Variants in AUH observed in about 807,000 individuals in gnomAD.
The protein encoded by AUH is methylglutaconyl-CoA hydratase, mitochondrial.
In AUH, 29 loss-of-function variants were observed where a neutral mutation model predicts 42.3. The observed-to-expected ratio is 0.69, with a 90% CI of 0.51 to 0.93. The LOEUF (loss-of-function observed/expected upper bound fraction) is 0.93. AUH is among the 40% of genes least tolerant of loss of function. The pLI is 0.00. For missense variants in AUH, 452 were observed against 438.1 expected (o/e 1.03, Z -0.28); for synonymous variants, 174 against 166.4 (o/e 1.05, Z -0.35).
intron 3 of AUH, among the ~76,000 whole-genome samples, chr9:91,353,065 A>G (rs1587923696): frequency 6.6e-6 from 1 of 152,128 alleles, no homozygotes; most frequent in East Asian, 1.9e-4. Flanking sequence ...AGGATAATCA[A>G]TAAACGGTAC....
chr9:91,228,287 T>C (rs1406614008), intron 6 of AUH, among the ~76,000 whole-genome samples: 1 of 152,176 alleles, frequency 6.6e-6, no homozygotes, highest in African/African-American at 2.4e-5. Context: ...CTTGGAAGAG[T>C]GTATGTGTCA....
intron 6 of AUH, among the ~76,000 whole-genome samples, chr9:91,244,226 T>A (rs1173242918): frequency 6.6e-6 from 1 of 152,214 alleles, no homozygotes; most frequent in Non-Finnish European, 1.5e-5. Context: ...CAACTATTGC[T>A]TCTTTAGGTT....
intron 6 of AUH, among the ~76,000 whole-genome samples, chr9:91,243,261 C>T (rs187708990): frequency 6.6e-6 from 1 of 152,338 alleles, no homozygotes; most frequent in Admixed American, 6.5e-5. Context: ...AGACCCATAG[C>T]TCCTTAGCTA....
intron 6 of AUH, among the ~76,000 whole-genome samples, chr9:91,289,906 A>G (rs925364154): frequency 1.3e-5 from 2 of 152,202 alleles, no homozygotes; most frequent in African/African-American, 4.8e-5. Context: ...CACCTAGGGT[A>G]CTTTAAGAAC....
At position 91,315,010 on chromosome 9, in the gene AUH, G is replaced by A. The variant is rs147162969; in HGVS notation, c.505+10308C>T. ...ATGATCTCGGCTCACTGCAACTTCCGCCTCCCAGGTTCAAACGATTCTCGT... is the reference window on the plus strand; with the variant it reads ...ATGATCTCGGCTCACTGCAACTTCCACCTCCCAGGTTCAAACGATTCTCGT... On this transcript the variant is annotated intron_variant, in intron 4 of 9. Coordinates refer to ENST00000375731, the MANE Select transcript of AUH (RefSeq NM_001698.3). Among the ~76,000 whole-genome samples the A allele has an allele frequency of 9.4e-4, 143 of 152,258 alleles. 1 individual carries two copies. The highest frequency in any genetic ancestry group is 1.6e-3 in the Non-Finnish European group (108 of 68,022).
At chr9:91,233,381 G>A (rs1211532408) in intron 6 of AUH, among the ~76,000 whole-genome samples, 1 of 152,200 alleles carries the variant, frequency 6.6e-6, no homozygotes, top group African/African-American at 2.4e-5. Context: ...TGGCTGAAGT[G>A]CACAGCAGGG....
In AUH at chr9:91,348,133, G is replaced by GA. The variant is rs534879949; in HGVS notation, c.418+7749dup. Among the ~76,000 whole-genome samples the GA allele has an allele frequency of 1.2e-3, 179 of 151,274 alleles. 1 individual carries two copies. Among genetic ancestry groups the GA allele is most frequent in the African/African-American group, 4.2e-3 (172 of 41,368 alleles). ...GATGAGATTCTAAGAAAAACATTGG[G>GA]AAAAAATTCAAATAAACAAGTCATC... On this transcript the variant is annotated intron_variant, in intron 3 of 9. Transcript: ENST00000375731.
At chr9:91,348,807 T>C (rs1241203244) in intron 3 of AUH, among the ~76,000 whole-genome samples, 2 of 152,218 alleles carry the variant, frequency 1.3e-5, no homozygotes, top group Non-Finnish European at 2.9e-5. Context: ...GAATATGTTC[T>C]GTATCATGAT....
intron 6 of AUH, among the ~76,000 whole-genome samples, chr9:91,276,451 T>A (rs987498381): frequency 4.0e-5 from 6 of 151,526 alleles, no homozygotes; most frequent in Non-Finnish European, 7.4e-5. Flanking sequence ...TATACAAAAT[T>A]GTTATTAATG....
At chr9:91,278,823 C>T (rs979185101) in intron 6 of AUH, among the ~76,000 whole-genome samples, 21 of 152,134 alleles carry the variant, frequency 1.4e-4, no homozygotes, top group African/African-American at 5.1e-4. Context: ...TTGAAACAAG[C>T]GACATGAGCC....
At chr9:91,358,048 G>C (rs1015719209) in intron 1 of AUH, among the ~76,000 whole-genome samples, 9 of 152,172 alleles carry the variant, frequency 5.9e-5, no homozygotes, top group Non-Finnish European at 1.0e-4. Flanking sequence ...CCAATCAACA[G>C]ATAACAGGTT....
intron 6 of AUH, among the ~76,000 whole-genome samples, chr9:91,263,204 A>G (rs918215912): frequency 1.1e-4 from 16 of 152,190 alleles, no homozygotes; most frequent in African/African-American, 3.9e-4. Context: ...CCCCATCCTC[A>G]CTTCTATACC....
rs752858725 is a variant in AUH at position 91,214,369 on chromosome 9, G to C, written c.999C>G (p.Pro333=). The C allele has an allele frequency of 6.2e-7, 1 of 1,610,190 alleles. No individual in the cohort carries two copies. Among genetic ancestry groups the C allele is most frequent in the South Asian group, 1.1e-5 (1 of 90,662 alleles). Residue 333 remains proline (P), a synonymous_variant, in exon 10 of 10, where the codon CCC becomes CCG. Coordinates refer to ENST00000375731, the MANE Select transcript of AUH (RefSeq NM_001698.3). ...EGLLAFKEKR[P]PRYKGE ...CCTTTTATTCTCCTTTATAGCGAGG[G>C]GGCCTTTTCTCTTTAAAAGCAAGAA...
chr9:91,239,789 T>C (rs757795557), intron 6 of AUH, among the ~76,000 whole-genome samples: 3 of 152,154 alleles, frequency 2.0e-5, no homozygotes, highest in Non-Finnish European at 2.9e-5. Context: ...CAGAGGGCTA[T>C]GTAAGGAGAA....
rs371287975 is a variant in AUH at position 91,355,821 on chromosome 9, A to C, written c.418+62T>G. On this transcript the variant is annotated intron_variant, in intron 3 of 9. Coordinates refer to ENST00000375731, the MANE Select transcript of AUH (RefSeq NM_001698.3). ...ACCAAAGAACATTCTAATGGAAAAC[A>C]GATTACTATTGAGGAAAAATCAGAC... The C allele has an allele frequency of 7.7e-6, 11 of 1,432,330 alleles. No homozygotes were observed. In the African/African-American group the frequency reaches 1.5e-4, roughly 20 times the overall value. The allele number at this position is 1,432,330 out of a possible 1,614,324, so 88.7% of individuals were successfully genotyped here.
chr9:91,308,561 C>T (rs1828412028), intron 4 of AUH, among the ~76,000 whole-genome samples: 1 of 152,166 alleles, frequency 6.6e-6, no homozygotes, highest in South Asian at 2.1e-4. Context: ...ATCTTTCACA[C>T]ACCATAATTC....
intron 4 of AUH, among the ~76,000 whole-genome samples, chr9:91,305,316 C>T (rs1337873257): frequency 6.6e-6 from 1 of 152,126 alleles, no homozygotes; most frequent in East Asian, 1.9e-4. Flanking sequence ...CTAACACGAC[C>T]CAAGCCAGAA....
Position 91,220,697 on chromosome 9 carries a change from G to C in AUH, c.843+108C>G, listed in dbSNP as rs529818625. 42 of 1,232,730 alleles carry C rather than the reference G, an allele frequency of 3.4e-5. No individual in the cohort carries two copies. The Admixed American group carries it at 7.6e-4, about 22-fold the overall frequency. The allele number at this position is 1,232,730 out of a possible 1,614,324, so 76.4% of individuals were successfully genotyped here. A position where few individuals can be genotyped will look rare whatever the true frequency, so the allele number is the denominator to read the frequency against. On this transcript the variant is annotated intron_variant, in intron 7 of 9. Transcript: ENST00000375731. ...ACAGAGCCCACGCATCCCTTTACTTGGAAGCAAGCCAGGGACTTCTTCCAT... is the reference window on the plus strand; with the variant it reads ...ACAGAGCCCACGCATCCCTTTACTTCGAAGCAAGCCAGGGACTTCTTCCAT...
chr9:91,266,765 TATGCCCCTATGACTGGGGC>T (rs1829998954), intron 6 of AUH, among the ~76,000 whole-genome samples: 9 of 152,212 alleles, frequency 5.9e-5, no homozygotes, highest in Admixed American at 5.2e-4. Flanking sequence ...GTTGGGTGTG[TATGCCCCTATGACTGGGGC>T]ACATAAAGGA....
Sources: allele counts gnomAD v4.1 joint callset (sites outside exome capture counted in the v4.1 genomes callset), GRCh38; gene constraint gnomAD v4.1.1; transcripts MANE v1.5; gene names NCBI Gene and HGNC (gene_info 2026-07-23, HGNC 2026-07-21).